Variants in UNG observed in about 807,000 individuals in gnomAD.
The protein encoded by UNG is uracil DNA glycosylase.
A neutral mutation model predicts 36.5 loss-of-function variants in UNG; 34 were observed. The ratio of observed to expected loss-of-function variants is 0.93; its 90% CI spans 0.71 to 1.24. The LOEUF is 1.24. Ranked by LOEUF, UNG falls within the 50% of genes most tolerant of loss-of-function variation. The pLI is 0.00. For synonymous variants in UNG, 172 were observed against 157.8 expected (o/e 1.09, Z -0.67); for missense variants, 391 against 397.6 (o/e 0.98, Z 0.14).
intron 6 of UNG, among the ~76,000 whole-genome samples, chr12:109,108,970 T>G (rs1007684421): frequency 6.6e-6 from 1 of 152,130 alleles, no homozygotes; most frequent in African/African-American, 2.4e-5. Flanking sequence ...GTTCAATGAG[T>G]TACATGAGGT....
rs781147313 is a variant in UNG at position 109,098,497 on chromosome 12, G to A, written c.198G>A (p.Leu66=). 5 of 1,612,636 alleles carry A rather than the reference G, an allele frequency of 3.1e-6. No homozygotes were observed. In the African/African-American group the frequency reaches 6.7e-5, roughly 22 times the overall value. ...CTGGGACGCCGCCCTCCTCGCCGCTGAGTGCCGAGCAGTTGGACCGGATCC... is the reference window on the plus strand; with the variant it reads ...CTGGGACGCCGCCCTCCTCGCCGCTAAGTGCCGAGCAGTTGGACCGGATCC... ...EEPGTPPSSP[L]SAEQLDRIQR... Residue 66 remains leucine (L), a synonymous_variant, in exon 2 of 7, where the codon CTG becomes CTA. Transcript: ENST00000242576.
At position 109,097,736 on chromosome 12, in the gene UNG, A is replaced by G; in HGVS notation, c.57A>G (p.Arg19=). The change falls in exon 1 of 7, where the codon CGA becomes CGG. Residue 19 remains arginine (R), a synonymous_variant. Transcript: ENST00000242576. ...TCTCCCCCAGCCCCGCCAGGAAGCG[A>G]CACGCCCCCAGCCCCGAGCCGGCCG... ...SFFSPSPARK[R]HAPSPEPAVQ... 6.3e-7 allele frequency: 1 copy of G among 1,582,890 alleles called. No homozygotes were observed. The highest frequency in any genetic ancestry group is 8.6e-7 in the Non-Finnish European group (1 of 1,164,990).
intron 6 of UNG, among the ~76,000 whole-genome samples, chr12:109,107,518 C>CTTTT (rs34833015): frequency 3.1e-4 from 28 of 89,428 alleles, no homozygotes; most frequent in Non-Finnish European, 4.2e-4. Flanking sequence ...GACTATTCCT[C>CTTTT]TTTTTTTTTT....
chr12:109,110,803 A>G lies in UNG; in HGVS notation c.*834A>G, dbSNP rs2042257479. ...GGATATTTTTTCCTGCAACACTGGAAAGTTTTAGTTTTTTAAGAAGTACTC... is the reference window on the plus strand; with the variant it reads ...GGATATTTTTTCCTGCAACACTGGAGAGTTTTAGTTTTTTAAGAAGTACTC... On this transcript the variant is annotated 3_prime_UTR_variant, in exon 7 of 7. Coordinates refer to ENST00000242576, the MANE Select transcript of UNG (RefSeq NM_080911.3). 1 of 151,912 alleles carries G rather than the reference A, an allele frequency of 6.6e-6. No individual in the cohort carries two copies. The highest frequency in any genetic ancestry group is 2.1e-4 in the South Asian group (1 of 4,796). 9.4% of individuals were successfully genotyped at this position (151,912 alleles called of 1,614,324 possible).
intron 1 of UNG, 111 bp from the exon 2 acceptor site, chr12:109,098,321 C>T: frequency 6.3e-7 from 1 of 1,597,790 alleles, no homozygotes; most frequent in Non-Finnish European, 8.5e-7. Context: ...GGGACCTGTT[C>T]CACAAATGGG....
intron 2 of UNG, 22 bp from the exon 3 acceptor site, chr12:109,099,167 G>A: frequency 1.9e-6 from 3 of 1,601,334 alleles, no homozygotes; most frequent in Non-Finnish European, 2.6e-6. Flanking sequence ...CTGATTTTAA[G>A]TCTAGTTTAT....
At chr12:109,098,097 A>C in intron 1 of UNG, 1 of 1,374,252 alleles carries the variant, frequency 7.3e-7, no homozygotes, top group Middle Eastern at 2.7e-4. Flanking sequence ...GGCGGGACCC[A>C]GAGGGAGGTT....
chr12:109,102,130 A>G, intron 4 of UNG, 131 bp downstream of exon 4: 2 of 813,010 alleles, frequency 2.5e-6, no homozygotes, highest in South Asian at 1.4e-5. Context: ...CCTCAGCACC[A>G]TTGACATTTG....
At chr12:109,103,702 C>A in intron 6 of UNG, 91 bp downstream of exon 6, 1 of 1,363,456 alleles carries the variant, frequency 7.3e-7, no homozygotes, top group Non-Finnish European at 1.0e-6. Context: ...GTGTTTGGTC[C>A]TGGAAAATCC....
chr12:109,107,713 C>T (rs1160394049), intron 6 of UNG, among the ~76,000 whole-genome samples: 2 of 151,328 alleles, frequency 1.3e-5, no homozygotes, highest in Admixed American at 6.6e-5. Flanking sequence ...TTAGTAGAGA[C>T]GGAGTTTCTT....
chr12:109,100,263 A>G (rs193148635), intron 3 of UNG, among the ~76,000 whole-genome samples: 1 of 152,280 alleles, frequency 6.6e-6, no homozygotes, highest in African/African-American at 2.4e-5. Context: ...CTTGAATTGA[A>G]GTCCGTTGCC....
Position 109,102,013 on chromosome 12 carries a change from A to G in UNG, c.533+14A>G. On this transcript the variant is annotated intron_variant, in intron 4 of 6. Transcript: ENST00000242576. ...GCCTCCGCCCAGGTACAGTTGCTTT[A>G]CAGGTGACTGCAGTCCAGACATGAT... is the stretch of plus-strand genomic sequence containing the variant. The G allele has an allele frequency of 6.2e-7, 1 of 1,611,152 alleles. No individual in the cohort carries two copies. The highest frequency in any genetic ancestry group is 1.3e-5 in the African/African-American group (1 of 74,990).
rs1001000745 is a variant in UNG, at chr12:109,098,711, C to T, written c.339+73C>T. Reference sequence around the variant, plus strand: ...GGCCCTTTTGTCTTGTTAGTGTAGCCGGCCAAGTTCATGTTTCCGTAGGCT... The same window carrying T: ...GGCCCTTTTGTCTTGTTAGTGTAGCTGGCCAAGTTCATGTTTCCGTAGGCT... On this transcript the variant is annotated intron_variant, in intron 2 of 6. Coordinates refer to ENST00000242576, the MANE Select transcript of UNG (RefSeq NM_080911.3). 7 of 1,597,700 alleles carry T rather than the reference C, an allele frequency of 4.4e-6. No homozygotes were observed. The South Asian group carries it at 5.6e-5, about 13-fold the overall frequency.
chr12:109,102,967 T>A, intron 5 of UNG, 40 bp downstream of exon 5: 1 of 1,401,708 alleles, frequency 7.1e-7, no homozygotes, highest in Non-Finnish European at 1.0e-6. Flanking sequence ...TTTTTTTTTT[T>A]TTGAGACCGA....
At position 109,109,811 on chromosome 12, in the gene UNG, A is replaced by G. The variant is rs1555265466; in HGVS notation, c.802-18A>G. On this transcript the variant is annotated intron_variant, in intron 6 of 6. Coordinates refer to ENST00000242576, the MANE Select transcript of UNG (RefSeq NM_080911.3). Reference sequence around the variant, plus strand: ...AAAAGTCCCAAATCTGCCACCATTTATTCTTGATCTTTTTCAGAAGCGGCA... The same window carrying G: ...AAAAGTCCCAAATCTGCCACCATTTGTTCTTGATCTTTTTCAGAAGCGGCA... 1.2e-5 allele frequency: 20 copies of G among 1,611,024 alleles called. No individual in the cohort carries two copies. The South Asian group carries it at 2.2e-4, about 18-fold the overall frequency.
intron 6 of UNG, among the ~76,000 whole-genome samples, chr12:109,108,891 C>T (rs1054928837): frequency 2.0e-5 from 3 of 152,148 alleles, no homozygotes; most frequent in Non-Finnish European, 4.4e-5. Context: ...CTTGGCCTCC[C>T]AAAGCACTGG....
intron 6 of UNG, among the ~76,000 whole-genome samples, chr12:109,106,641 G>C (rs1348060389): frequency 6.6e-6 from 1 of 151,488 alleles, no homozygotes; most frequent in African/African-American, 2.4e-5. Context: ...GCTCATACCT[G>C]TTATCCCAGC....
intron 6 of UNG, among the ~76,000 whole-genome samples, chr12:109,108,408 G>A (rs2042233856): frequency 2.0e-5 from 3 of 152,028 alleles, no homozygotes; most frequent in Non-Finnish European, 2.9e-5. Context: ...CCAGGGTGGC[G>A]GATCACTTGA....
intron 3 of UNG, 158 bp downstream of exon 3, chr12:109,099,442 C>CT: frequency 1.5e-6 from 1 of 679,776 alleles, no homozygotes; most frequent in Admixed American, 2.3e-5. Context: ...TGTATTTACT[C>CT]TTTTTAATGT....
Sources: allele counts gnomAD v4.1 joint callset (sites outside exome capture counted in the v4.1 genomes callset), GRCh38; gene constraint gnomAD v4.1.1; transcripts MANE v1.5; gene names NCBI Gene and HGNC (gene_info 2026-07-23, HGNC 2026-07-21).